The following ADAM33 variants were observed in gnomAD, a reference collection of about 807,000 sequenced individuals.
The protein encoded by ADAM33 is ADAM metallopeptidase domain 33.
Under a neutral mutation model 106.2 loss-of-function variants are expected in ADAM33, and 103 were observed. The observed-to-expected ratio is 0.97, with a 90% confidence interval of 0.83 to 1.14. The LOEUF (loss-of-function observed/expected upper bound fraction) is 1.14, where lower values mean the gene tolerates loss of function less well. ADAM33 is among the 50% of genes most tolerant of loss of function. ADAM33 has a pLI of 0.00. For missense variants in ADAM33, 1,120 were observed against 1,096.6 expected, an observed-to-expected ratio of 1.02 and a Z score of -0.30; for synonymous variants, 483 against 453.0, an observed-to-expected ratio of 1.07 and a Z score of -0.84.
At chr20:3,677,847 T>C (rs1330924841) in intron 2 of ADAM33, among the ~76,000 whole-genome samples, 2 of 152,172 alleles carry the variant, frequency 1.3e-5, no homozygotes, top group Non-Finnish European at 2.9e-5. Context: ...TCTCCCACCC[T>C]GTGGGAACAC....
rs1408891897 is a variant in ADAM33, at chr20:3,672,165, C to T, written c.1566G>A (p.Leu522=). Residue 522 remains leucine (L), a synonymous_variant, in exon 14 of 22, where the codon CTG becomes CTA. Transcript: ENST00000356518. ...CCCAGAGCTGCTGGCACTGCTGCTC[C>T]AGCGTGGGACATGCGCCATCCCAGC... ...GYCWDGACPT[L]EQQCQQLWGP... is the part of the protein sequence containing the mutation. 7.4e-6 allele frequency: 12 copies of T among 1,612,810 alleles called. No individual in the cohort carries two copies. The highest frequency in any genetic ancestry group is 9.3e-6 in the Non-Finnish European group (11 of 1,179,712).
intron 20 of ADAM33, 35 bp from the exon 21 acceptor site, chr20:3,669,405 A>G (rs1012977289): frequency 2.5e-6 from 4 of 1,588,966 alleles, no homozygotes; most frequent in Admixed American, 1.9e-5. Context: ...TGTTGTGAAT[A>G]TGGTCAGCAG....
chr20:3,676,682 G>A (rs1235568110), intron 3 of ADAM33, among the ~76,000 whole-genome samples: 1 of 152,102 alleles, frequency 6.6e-6, no homozygotes. Context: ...CAGGTGAGCC[G>A]CCCGCCTCGG....
In ADAM33 at chr20:3,675,616, G is replaced by A. The variant is rs372292015; in HGVS notation, c.255-511C>T. On this transcript the variant is annotated intron_variant, in intron 3 of 21. Transcript: ENST00000356518. This position sits in a 1 kb window ranked among gnomAD's most constrained non-coding sequence, Gnocchi z 4.1. ...TCTAGACCCCACATACCTCCCACCTGTCCTTCAGTGATTGATGCTCACCCC... is the reference window on the plus strand; with the variant it reads ...TCTAGACCCCACATACCTCCCACCTATCCTTCAGTGATTGATGCTCACCCC... 3.3e-5 allele frequency among the ~76,000 whole-genome samples: 5 copies of A among 152,020 alleles called. No individual in the cohort carries two copies. Among genetic ancestry groups the A allele is most frequent in the Middle Eastern group, 3.4e-3 (1 of 294 alleles).
rs1415168441 is a variant in ADAM33 at position 3,668,954 on chromosome 20, A to C, written c.*9T>G. On this transcript the variant is annotated 3_prime_UTR_variant, in exon 22 of 22. Coordinates refer to ENST00000356518, the MANE Select transcript of ADAM33 (RefSeq NM_025220.5). ...TGTCTTTAAATCTGTTCATTTTAGG[A>C]GCTACCTCTCACCAGAGGCAGGATC... The C allele has an allele frequency of 6.2e-7, 1 of 1,613,626 alleles. No individual in the cohort carries two copies. The highest frequency in any genetic ancestry group is 1.7e-5 in the Admixed American group (1 of 59,978).
At chr20:3,677,774 A>G (rs2088103291) in intron 2 of ADAM33, among the ~76,000 whole-genome samples, 2 of 152,330 alleles carry the variant, frequency 1.3e-5, no homozygotes, top group African/African-American at 4.8e-5. Flanking sequence ...ACTGGCTCTC[A>G]GCTAGGTGTC....
intron 2 of ADAM33, among the ~76,000 whole-genome samples, chr20:3,677,531 T>G (rs1568818675): frequency 6.6e-6 from 1 of 152,126 alleles, no homozygotes; most frequent in East Asian, 1.9e-4. Context: ...GGGCATCGGG[T>G]AGCCATGGTC....
At position 3,671,911 on chromosome 20, in the gene ADAM33, C is replaced by T; in HGVS notation, c.1672G>A (p.Asp558Asn). 1 of 1,554,724 alleles carries T rather than the reference C, an allele frequency of 6.4e-7. No homozygotes were observed. The highest frequency in any genetic ancestry group is 8.7e-7 in the Non-Finnish European group (1 of 1,148,588). Residue 558 changes from aspartate (D) to asparagine (N), a missense_variant, in exon 15 of 22, where the codon GAC (aspartate) becomes AAC (asparagine). Asp to Asn is a conservative substitution (Grantham distance 23, BLOSUM62 1). Coordinates refer to ENST00000356518, the MANE Select transcript of ADAM33 (RefSeq NM_025220.5). ...CAGGGCAGGAAGTGGCCCTCGCTGTCCTGGCCGCAGTTTCCATGAGCATCT... is the reference window on the plus strand; with the variant it reads ...CAGGGCAGGAAGTGGCCCTCGCTGTTCTGGCCGCAGTTTCCATGAGCATCT... ...AGDAHGNCGQ[D>N]SEGHFLPCAG...
In ADAM33 at chr20:3,672,283, T is replaced by G. The variant is rs757567846; in HGVS notation, c.1448A>C (p.Asp483Ala). 1.8e-5 allele frequency: 29 copies of G among 1,612,958 alleles called. No homozygotes were observed. Among genetic ancestry groups the G allele is most frequent in the Non-Finnish European group, 2.4e-5 (28 of 1,179,960 alleles). Residue 483 changes from aspartate to alanine, a missense_variant, in exon 14 of 22, where the codon GAC (aspartate) becomes GCC (alanine). Physicochemically the swap from Asp to Ala is moderately radical, Grantham distance 126. Coordinates refer to ENST00000356518, the MANE Select transcript of ADAM33 (RefSeq NM_025220.5). The part of the protein sequence containing the change: ...ALCRQAMGDC[D>A]LPEFCTGTSS... Reference sequence around the variant, plus strand: ...GGTGCCCGTGCAAAACTCAGGGAGGTCACAGTCACCCATGGCCTGGCGGCA... The same window carrying G: ...GGTGCCCGTGCAAAACTCAGGGAGGGCACAGTCACCCATGGCCTGGCGGCA...
chr20:3,673,722 G>C (rs2087731219), intron 9 of ADAM33, 23 bp downstream of exon 9: 1 of 1,399,328 alleles, frequency 7.1e-7, no homozygotes, highest in Admixed American at 3.3e-5. Context: ...CCCGGGACCC[G>C]CGTCCGGGTC....
At chr20:3,670,290 C>A in intron 19 of ADAM33, 1 of 166,078 alleles carries the variant, frequency 6.0e-6, no homozygotes, top group Non-Finnish European at 1.3e-5. Context: ...ATGCCCTCTG[C>A]CCCCATCTCT....
At chr20:3,681,489 A>C (rs573771019) in intron 1 of ADAM33, among the ~76,000 whole-genome samples, 67 of 152,208 alleles carry the variant, frequency 4.4e-4, no homozygotes, top group African/African-American at 1.5e-3. Flanking sequence ...GGGGCTTCCT[A>C]GAGGACGGAG....
chr20:3,674,237 A>C lies in ADAM33; in HGVS notation c.648T>G (p.Ile216Met), dbSNP rs1270595878. The C allele has an allele frequency of 1.9e-6, 3 of 1,613,962 alleles. No individual in the cohort carries two copies. The highest frequency in any genetic ancestry group is 2.5e-6 in the Non-Finnish European group (3 of 1,180,006). Reference sequence around the variant, plus strand: ...TCCTCACCAGGGTGTGGTCTGCCACAATGTACAGTTCCAGGTACTTCCGGG... The same window carrying C: ...TCCTCACCAGGGTGTGGTCTGCCACCATGTACAGTTCCAGGTACTTCCGGG... Reference protein sequence around the residue: ...RRTRKYLELYIVADHTLFLTR... With the variant: ...RRTRKYLELYMVADHTLFLTR... Residue 216 changes from isoleucine to methionine, a missense_variant, in exon 7 of 22, where the codon ATT becomes ATG. By Grantham distance (10) the Ile-to-Met change is conservative. Transcript: ENST00000356518.
Position 3,674,239 on chromosome 20 carries a change from T to A in ADAM33, c.646A>T (p.Ile216Phe). ...RRTRKYLELY[I>F]VADHTLFLTR... ...CTCACCAGGGTGTGGTCTGCCACAA[T>A]GTACAGTTCCAGGTACTTCCGGGTC... The change falls in exon 7 of 22, where the codon ATT becomes TTT. Residue 216 changes from isoleucine (I) to phenylalanine (F), a missense_variant. By Grantham distance (21) the Ile-to-Phe change is conservative. Coordinates refer to ENST00000356518, the MANE Select transcript of ADAM33 (RefSeq NM_025220.5). 1 of 1,614,060 alleles carries A rather than the reference T, an allele frequency of 6.2e-7. No individual in the cohort carries two copies. Among genetic ancestry groups the A allele is most frequent in the Non-Finnish European group, 8.5e-7 (1 of 1,180,026 alleles).
chr20:3,680,198 T>C (rs2088362652), intron 1 of ADAM33, among the ~76,000 whole-genome samples: 1 of 151,928 alleles, frequency 6.6e-6, no homozygotes, highest in Non-Finnish European at 1.5e-5. Flanking sequence ...CTAGGAGGAA[T>C]CCCAGAGCCA....
rs779042232 is a variant in ADAM33, at chr20:3,674,052, G to T, written c.738+12C>A. 7 of 1,611,428 alleles carry T rather than the reference G, an allele frequency of 4.3e-6. No individual in the cohort carries two copies. Among genetic ancestry groups the T allele is most frequent in the Admixed American group, 1.7e-5 (1 of 59,910 alleles). On this transcript the variant is annotated intron_variant, in intron 8 of 21. Coordinates refer to ENST00000356518, the MANE Select transcript of ADAM33 (RefSeq NM_025220.5). The stretch of plus-strand genomic sequence containing the variant: ...CCACCCCCATCACCGCTCTCTCCCC[G>T]CCGCCCCCAACCTGGTCCACGTAGT...
intron 1 of ADAM33, 60 bp downstream of exon 1, chr20:3,681,847 TC>T: frequency 6.4e-7 from 1 of 1,555,374 alleles, no homozygotes; most frequent in Admixed American, 1.9e-5. Flanking sequence ...GCAGAACCCA[TC>T]CCCGCCACCA....
Position 3,675,243 on chromosome 20 carries a change from A to G in ADAM33, c.255-138T>C. 1 of 671,482 alleles carries G rather than the reference A, an allele frequency of 1.5e-6. No homozygotes were observed. The highest frequency in any genetic ancestry group is 2.7e-5 in the East Asian group (1 of 36,992). 41.6% of individuals were successfully genotyped at this position (671,482 alleles called of 1,614,324 possible). ...TCACAGTGTGTCTTAGGGAAGGGAC[A>G]GGAGCAATGGTGACTTGCTCAGATC... On this transcript the variant is annotated intron_variant, in intron 3 of 21. Transcript: ENST00000356518. The surrounding 1 kb of genome is among the most constrained non-coding windows in gnomAD (Gnocchi z 4.1).
At chr20:3,670,921 C>G in intron 19 of ADAM33, 85 bp downstream of exon 19, 3 of 1,452,490 alleles carry the variant, frequency 2.1e-6, no homozygotes, top group Non-Finnish European at 2.7e-6. Flanking sequence ...AGGCTGAGGG[C>G]CTGCCCCAGC....
Sources: allele counts gnomAD v4.1 joint callset (sites outside exome capture counted in the v4.1 genomes callset), GRCh38; gene constraint gnomAD v4.1.1; non-coding constraint Gnocchi (gnomAD v3.1); transcripts MANE v1.5; gene names NCBI Gene and HGNC (gene_info 2026-07-23, HGNC 2026-07-21).